The following KCNH5 variants were observed in gnomAD, a reference collection of about 807,000 sequenced individuals.
KCNH5 encodes potassium voltage-gated channel subfamily H member 5.
In KCNH5, 46 loss-of-function variants were observed where a neutral mutation model predicts 96.1. The observed-to-expected ratio is 0.48, with a 90% CI of 0.38 to 0.61. The LOEUF (loss-of-function observed/expected upper bound fraction) is 0.61. Ranked by LOEUF, KCNH5 falls within the 20% of genes least tolerant of loss-of-function variation. The pLI is 0.00. For synonymous variants in KCNH5, 439 were observed against 449.8 expected (o/e 0.98, Z 0.30); for missense variants, 907 against 1,225.8 (o/e 0.74, Z 3.88).
rs553562073 is a variant in KCNH5, at chr14:62,769,858, C to T, written c.2019+9870G>A. The stretch of plus-strand genomic sequence containing the variant: ...TACAGAAAATACCTACTGTATGGAG[C>T]TCATTGTTTAGTTGAAAAATAGAAA... On this transcript the variant is annotated intron_variant, in intron 10 of 10. Coordinates refer to ENST00000322893, the MANE Select transcript of KCNH5 (RefSeq NM_139318.5). 3.3e-5 allele frequency among the ~76,000 whole-genome samples: 5 copies of T among 152,240 alleles called. 1 individual carries two copies. The South Asian group carries it at 1.0e-3, about 32-fold the overall frequency.
intron 1 of KCNH5, among the ~76,000 whole-genome samples, chr14:63,042,057 C>T (rs1189908955): frequency 6.6e-6 from 1 of 152,010 alleles, no homozygotes; most frequent in East Asian, 1.9e-4. Flanking sequence ...ATTGGTGATA[C>T]CCATGGACAA....
At chr14:62,889,433 A>T (rs1437156811) in intron 7 of KCNH5, among the ~76,000 whole-genome samples, 1 of 152,214 alleles carries the variant, frequency 6.6e-6, no homozygotes, top group African/African-American at 2.4e-5. Flanking sequence ...GGAGAAGAAT[A>T]TCATGCATGA....
intron 7 of KCNH5, among the ~76,000 whole-genome samples, chr14:62,906,870 G>C (rs1449966897): frequency 6.6e-6 from 1 of 152,128 alleles, no homozygotes; most frequent in Non-Finnish European, 1.5e-5. Flanking sequence ...GAAGGAATCA[G>C]AATCCAACCG....
intron 7 of KCNH5, among the ~76,000 whole-genome samples, chr14:62,922,593 A>G (rs1313488316): frequency 6.6e-6 from 1 of 152,038 alleles, no homozygotes; most frequent in Non-Finnish European, 1.5e-5. Flanking sequence ...TAAAAGGATC[A>G]TACACTATAC....
intron 8 of KCNH5, among the ~76,000 whole-genome samples, chr14:62,809,843 C>T (rs778126513): frequency 6.6e-5 from 10 of 152,028 alleles, no homozygotes; most frequent in Non-Finnish European, 1.2e-4. Context: ...TTTGTTTCTG[C>T]AATTTAGGCT....
intron 1 of KCNH5, among the ~76,000 whole-genome samples, chr14:63,020,612 G>A (rs1891408076): frequency 6.6e-6 from 1 of 151,980 alleles, no homozygotes; most frequent in Admixed American, 6.6e-5. Context: ...ATGATGATAG[G>A]GACCAGAACA....
chr14:62,989,458 C>T (rs769536871), intron 4 of KCNH5, among the ~76,000 whole-genome samples: 5 of 151,992 alleles, frequency 3.3e-5, no homozygotes, highest in East Asian at 1.9e-4. Flanking sequence ...TTTGTGTTTC[C>T]GTATTTTCAC....
chr14:62,993,005 G>A (rs962678195), intron 4 of KCNH5, among the ~76,000 whole-genome samples: 5 of 151,982 alleles, frequency 3.3e-5, no homozygotes, highest in Non-Finnish European at 5.9e-5. Flanking sequence ...AAGAGATAGG[G>A]GGGTCCTGTT....
chr14:62,985,163 T>C (rs1252380960), intron 5 of KCNH5, among the ~76,000 whole-genome samples: 2 of 152,224 alleles, frequency 1.3e-5, no homozygotes, highest in East Asian at 3.8e-4. Context: ...CTTGTACTAA[T>C]TGCATATTAT....
At chr14:62,871,119 A>G (rs1029555809) in intron 7 of KCNH5, among the ~76,000 whole-genome samples, 3 of 152,230 alleles carry the variant, frequency 2.0e-5, no homozygotes, top group Non-Finnish European at 4.4e-5. Context: ...TCTTGTCTTC[A>G]GATTTTTTGA....
At chr14:62,811,982 G>A (rs1424694877) in intron 8 of KCNH5, among the ~76,000 whole-genome samples, 1 of 152,130 alleles carries the variant, frequency 6.6e-6, no homozygotes, top group East Asian at 1.9e-4. Context: ...AAAAGTCACT[G>A]TTCCTAGTTC....
chr14:62,780,109 G>C (rs997083492), intron 9 of KCNH5, among the ~76,000 whole-genome samples, 185 bp from the exon 10 acceptor site: 2 of 152,156 alleles, frequency 1.3e-5, no homozygotes, highest in Non-Finnish European at 2.9e-5. Context: ...ACATCACCCT[G>C]AATTCAGTTA....
intron 7 of KCNH5, among the ~76,000 whole-genome samples, chr14:62,858,276 T>C (rs1887968236): frequency 6.6e-6 from 1 of 152,178 alleles, no homozygotes. Context: ...GGTCGTGTTT[T>C]TTCCTGGTGG....
intron 7 of KCNH5, among the ~76,000 whole-genome samples, chr14:62,926,415 C>A (rs970176149): frequency 2.6e-5 from 4 of 152,144 alleles, no homozygotes; most frequent in African/African-American, 2.4e-5. Flanking sequence ...CATGCACACA[C>A]ACGCACACAC....
At chr14:62,956,932 C>G (rs1047975177) in intron 6 of KCNH5, among the ~76,000 whole-genome samples, 1 of 152,162 alleles carries the variant, frequency 6.6e-6, no homozygotes, top group Non-Finnish European at 1.5e-5. Context: ...TTTCTGTGCC[C>G]TCCTCTGCAC....
chr14:62,848,813 C>T (rs1359677132), intron 8 of KCNH5, among the ~76,000 whole-genome samples: 1 of 151,920 alleles, frequency 6.6e-6, no homozygotes, highest in Non-Finnish European at 1.5e-5. Flanking sequence ...AGTATTATGC[C>T]ATCTAATTAT....
intron 6 of KCNH5, among the ~76,000 whole-genome samples, chr14:62,974,998 A>G (rs1050963088): frequency 5.9e-5 from 9 of 152,204 alleles, no homozygotes; most frequent in African/African-American, 2.2e-4. Context: ...ATATATTAGT[A>G]TCCCTTTTCC....
chr14:62,783,979 G>A (rs1032655490), intron 9 of KCNH5, among the ~76,000 whole-genome samples: 1 of 150,802 alleles, frequency 6.6e-6, no homozygotes, highest in Non-Finnish European at 1.5e-5. Context: ...AAAGTATAAT[G>A]TATTTTATAA....
At chr14:62,966,077 G>A (rs1890299893) in intron 6 of KCNH5, among the ~76,000 whole-genome samples, 1 of 152,144 alleles carries the variant, frequency 6.6e-6, no homozygotes, top group Non-Finnish European at 1.5e-5. Flanking sequence ...TCACAACTCA[G>A]TGTAATCCTG....
Sources: gnomAD v4.1 joint callset for allele counts (sites outside exome capture counted in the v4.1 genomes callset) on GRCh38, gnomAD v4.1.1 for gene constraint, MANE v1.5 for transcripts, NCBI Gene and HGNC (gene_info 2026-07-23, HGNC 2026-07-21) for gene names.